Variants in CACNA1D observed in about 807,000 individuals in gnomAD.
CACNA1D encodes calcium voltage-gated channel subunit alpha1 D.
CACNA1D carries 55 observed loss-of-function variants against 257.1 expected under a neutral mutation model. That is an observed-to-expected ratio of 0.21 (90% CI 0.17 to 0.27). CACNA1D has a LOEUF of 0.27. Among genes scored for constraint, CACNA1D ranks in the 10% least tolerant of loss-of-function variants. The pLI, the probability that CACNA1D is intolerant of heterozygous loss-of-function variation, is 1.00. For synonymous variants in CACNA1D, 980 were observed against 1,014.9 expected (o/e 0.97, Z 0.65); for missense variants, 1,876 against 2,784.0 (o/e 0.67, Z 7.34).
intron 7 of CACNA1D, 26 bp downstream of exon 7, chr3:53,666,561 T>C: frequency 6.3e-7 from 1 of 1,585,558 alleles, no homozygotes; most frequent in African/African-American, 1.3e-5. Flanking sequence ...AGAGAGTTTA[T>C]GGAGTGTTCT....
chr3:53,573,660 C>T (rs2092987185), intron 3 of CACNA1D, among the ~76,000 whole-genome samples: 1 of 152,166 alleles, frequency 6.6e-6, no homozygotes, highest in Admixed American at 6.5e-5. Flanking sequence ...ATGACATCTC[C>T]ATGAGGGCAA....
At chr3:53,739,400 C>T (rs2095092353) in intron 20 of CACNA1D, among the ~76,000 whole-genome samples, 1 of 152,216 alleles carries the variant, frequency 6.6e-6, no homozygotes, top group Non-Finnish European at 1.5e-5. Flanking sequence ...GTGCTACGGT[C>T]AGAAGCTCCT....
chr3:53,575,433 A>G (rs1559864153), intron 3 of CACNA1D, among the ~76,000 whole-genome samples: 2 of 152,160 alleles, frequency 1.3e-5, no homozygotes, highest in Non-Finnish European at 2.9e-5. Context: ...TGTCAGCAGT[A>G]GATAGGAACT....
chr3:53,519,007 C>G (rs2091452033), intron 3 of CACNA1D, among the ~76,000 whole-genome samples: 1 of 152,224 alleles, frequency 6.6e-6, no homozygotes, highest in Admixed American at 6.5e-5. Context: ...CACCTTTTCT[C>G]TTTAGCCTTT....
intron 8 of CACNA1D, among the ~76,000 whole-genome samples, chr3:53,695,275 A>G (rs2094563268): frequency 6.6e-6 from 1 of 152,024 alleles, no homozygotes; most frequent in South Asian, 2.1e-4. Context: ...GTCCATCTCT[A>G]CTGAGGATCC....
intron 3 of CACNA1D, among the ~76,000 whole-genome samples, chr3:53,611,778 T>C (rs904688616): frequency 3.9e-5 from 6 of 152,140 alleles, no homozygotes; most frequent in Non-Finnish European, 8.8e-5. Flanking sequence ...AGTTCAAGGA[T>C]AAGCAAATTT....
At chr3:53,777,294 G>A (rs1167462813) in intron 37 of CACNA1D, among the ~76,000 whole-genome samples, 2 of 152,192 alleles carry the variant, frequency 1.3e-5, no homozygotes, top group Non-Finnish European at 2.9e-5. Context: ...GGCAAAGGGT[G>A]AGCCATTGGG....
intron 3 of CACNA1D, among the ~76,000 whole-genome samples, chr3:53,534,093 G>A (rs568610878): frequency 7.9e-5 from 12 of 152,270 alleles, no homozygotes; most frequent in Non-Finnish European, 1.3e-4. Flanking sequence ...GTGTTCTTGA[G>A]TGGGAAGGCC....
chr3:53,534,693 A>G (rs2092060400), intron 3 of CACNA1D, among the ~76,000 whole-genome samples: 1 of 152,094 alleles, frequency 6.6e-6, no homozygotes, highest in African/African-American at 2.4e-5. Context: ...TGTCACATTC[A>G]CATGCTCACT....
chr3:53,558,851 G>C (rs2092690368), intron 3 of CACNA1D, among the ~76,000 whole-genome samples: 1 of 151,978 alleles, frequency 6.6e-6, no homozygotes, highest in African/African-American at 2.4e-5. Flanking sequence ...TGATTTCTTT[G>C]AGATAATCCT....
rs2090609467 is a variant in CACNA1D at position 53,501,653 on chromosome 3, A to G, written c.416A>G (p.Asn139Ser). The G allele has an allele frequency of 1.9e-6, 3 of 1,603,262 alleles. No homozygotes were observed. Among genetic ancestry groups the G allele is most frequent in the Non-Finnish European group, 2.6e-6 (3 of 1,170,544 alleles). Residue 139 changes from asparagine to serine, a missense_variant, in exon 3 of 48, where the codon AAT becomes AGT. Coordinates refer to ENST00000350061, the MANE Select transcript of CACNA1D (RefSeq NM_001128840.3). ...DIFILLAIFA[N>S]CVALAIYIPF... ...TTTATATTATTGGCTATTTTTGCCA[A>G]TTGTGTGGCCTTAGCTATTTACATC...
intron 15 of CACNA1D, 65 bp downstream of exon 15, chr3:53,727,064 G>A: frequency 5.7e-6 from 9 of 1,590,396 alleles, no homozygotes; most frequent in Non-Finnish European, 7.8e-6. Context: ...TTCTTCCTCT[G>A]CATTTCTCTG....
chr3:53,572,149 T>C (rs191690094), intron 3 of CACNA1D, among the ~76,000 whole-genome samples: 109 of 152,326 alleles, frequency 7.2e-4, no homozygotes, highest in African/African-American at 2.3e-3. Context: ...TAGACTTGTA[T>C]GTTTCAAAAG....
intron 4 of CACNA1D, among the ~76,000 whole-genome samples, chr3:53,652,741 C>T (rs1007644301): frequency 2.0e-5 from 3 of 152,266 alleles, no homozygotes; most frequent in African/African-American, 7.2e-5. Flanking sequence ...CCTAGCCCAT[C>T]TAGCCTGCCA....
chr3:53,630,534 C>T (rs2093810660), intron 3 of CACNA1D, among the ~76,000 whole-genome samples: 1 of 152,168 alleles, frequency 6.6e-6, no homozygotes, highest in Admixed American at 6.5e-5. Flanking sequence ...ACTTGGGAAC[C>T]AACCACCAAC....
chr3:53,733,002 C>A, intron 19 of CACNA1D, 40 bp downstream of exon 19: 1 of 1,609,480 alleles, frequency 6.2e-7, no homozygotes, highest in Non-Finnish European at 8.5e-7. Context: ...CTGCCTCTTG[C>A]CAGTGACCCT....
chr3:53,689,899 A>G (rs2094504534), intron 8 of CACNA1D, among the ~76,000 whole-genome samples: 1 of 152,066 alleles, frequency 6.6e-6, no homozygotes, highest in Non-Finnish European at 1.5e-5. Context: ...GCCTCAAGCT[A>G]TCCTCCTGCC....
intron 23 of CACNA1D, 71 bp downstream of exon 23, chr3:53,744,898 C>T: frequency 2.4e-6 from 2 of 847,836 alleles, no homozygotes; most frequent in Non-Finnish European, 4.1e-6. Flanking sequence ...CTCTTCTGGG[C>T]AGAGCTGAGC....
chr3:53,627,324 G>T (rs983322550), intron 3 of CACNA1D, among the ~76,000 whole-genome samples: 2 of 152,172 alleles, frequency 1.3e-5, no homozygotes, highest in Admixed American at 1.3e-4. Flanking sequence ...CACTTAACTT[G>T]CAGGAAGCTC....
Sources: gnomAD v4.1 joint callset for allele counts (sites outside exome capture counted in the v4.1 genomes callset) on GRCh38, gnomAD v4.1.1 for gene constraint, MANE v1.5 for transcripts, NCBI Gene and HGNC (gene_info 2026-07-23, HGNC 2026-07-21) for gene names.